MGAM: variants seen among roughly 807,000 people sequenced by gnomAD.
MGAM encodes the protein alpha-1,4-glucosidase.
A neutral mutation model predicts 358.8 loss-of-function variants in MGAM; 253 were observed. The ratio of observed to expected loss-of-function variants is 0.71; its 90% CI spans 0.64 to 0.78. The LOEUF (loss-of-function observed/expected upper bound fraction) is 0.78. MGAM is among the 30% of genes least tolerant of loss of function. MGAM has a pLI of 0.00. For synonymous variants in MGAM, 1,105 were observed against 1,227.1 expected (o/e 0.90, Z 2.08); for missense variants, 3,080 against 3,432.6 (o/e 0.90, Z 2.57).
chr7:142,093,427 A>C lies in MGAM; in HGVS notation c.7049A>C (p.Asp2350Ala). 6.5e-7 allele frequency: 1 copy of C among 1,538,470 alleles called. No individual in the cohort carries two copies. Among genetic ancestry groups the C allele is most frequent in the Non-Finnish European group, 8.9e-7 (1 of 1,123,544 alleles). ...TCCTCCTCAGATTTGGAGTCCAGGGACAGGGGCCTGAGCAGCAAGACCCTG... is the reference window on the plus strand; with the variant it reads ...TCCTCCTCAGATTTGGAGTCCAGGGCCAGGGGCCTGAGCAGCAAGACCCTG... ...PPYMPYLESR[D>A]RGLSSKTLCM... Residue 2350 changes from aspartate to alanine, a missense_variant, in exon 60 of 71, where the codon GAC (aspartate) becomes GCC (alanine). This residue lies in a region of MGAM where 932 missense variants were observed against 1,198.2 expected (regional missense o/e 0.78). Transcript: ENST00000475668.
rs190713602 is a variant in MGAM at position 142,081,946 on chromosome 7, T to C, written c.6003-96T>C. On this transcript the variant is annotated intron_variant, in intron 50 of 70. Coordinates refer to ENST00000475668, the MANE Select transcript of MGAM (RefSeq NM_001365693.1). ...GTTTGGGAGATGAACAGCTTCTGGG[T>C]AGGAATCAAGTGTTCTGTTGTCCTT... 2.4e-6 allele frequency: 3 copies of C among 1,244,662 alleles called. No individual in the cohort carries two copies. In the Admixed American group the frequency reaches 5.4e-5, roughly 23 times the overall value. 77.1% of individuals were successfully genotyped at this position (1,244,662 alleles called of 1,614,324 possible).
chr7:142,028,809 C>T (rs782333772), intron 10 of MGAM, among the ~76,000 whole-genome samples: 8 of 151,516 alleles, frequency 5.3e-5, no homozygotes, highest in East Asian at 3.9e-4. Flanking sequence ...CAGATAAAGA[C>T]GTTTGGGTGG....
At chr7:142,079,103 C>T in intron 49 of MGAM, 95 bp downstream of exon 49, 1 of 1,103,822 alleles carries the variant, frequency 9.1e-7, no homozygotes, top group South Asian at 1.4e-5. Flanking sequence ...ATAAGTTAAT[C>T]ATGCTACATT....
rs374732273 is a variant in MGAM at position 142,052,825 on chromosome 7, C to T, written c.3000C>T (p.Asn1000=). 2.9e-4 allele frequency: 470 copies of T among 1,613,818 alleles called. 5 individuals are homozygous for T. The highest frequency in any genetic ancestry group is 2.1e-3 in the South Asian group (194 of 91,068). ...SSGVPFCYFV[N]DLYSVSDVQY... is the part of the protein sequence containing the mutation. ...GAGTCCCTTTTTGCTATTTTGTCAA[C>T]GACCTATACTCTGTCAGTGATGTTC... is the stretch of plus-strand genomic sequence containing the variant. The change falls in exon 26 of 71, where the codon AAC becomes AAT. Residue 1000 remains asparagine (N), a synonymous_variant. Transcript: ENST00000475668.
At chr7:142,000,664 G>A (rs182766642) in intron 1 of MGAM, among the ~76,000 whole-genome samples, 53 of 152,230 alleles carry the variant, frequency 3.5e-4, no homozygotes, top group African/African-American at 1.3e-3. Flanking sequence ...CTGTCTCTAT[G>A]GATATTTACA....
In MGAM at chr7:142,045,428, C is replaced by T. The variant is rs180898226; in HGVS notation, c.2499-2357C>T. 4.7e-3 allele frequency among the ~76,000 whole-genome samples: 503 copies of T among 107,160 alleles called. 7 individuals carry two copies. Among genetic ancestry groups the T allele is most frequent in the African/African-American group, 0.018 (466 of 25,598 alleles). The allele number at this position is 107,160 out of a possible 152,430, so 70.3% of individuals were successfully genotyped here. A position where few individuals can be genotyped will look rare whatever the true frequency, so the allele number is the denominator to read the frequency against. On this transcript the variant is annotated intron_variant, in intron 21 of 70. Coordinates refer to ENST00000475668, the MANE Select transcript of MGAM (RefSeq NM_001365693.1). ...ATATATATTATATATACCTATAATA[C>T]ATGATATATTATATATACCTATAAT...
upstream of MGAM, among the ~76,000 whole-genome samples, chr7:141,991,207 A>G (rs1803933611): frequency 6.6e-6 from 1 of 152,234 alleles, no homozygotes; most frequent in South Asian, 2.1e-4. Flanking sequence ...TTTAGCATAG[A>G]ACATAGGCCA....
intron 20 of MGAM, 73 bp downstream of exon 20, chr7:142,040,244 A>T: frequency 4.2e-6 from 5 of 1,183,786 alleles, no homozygotes; most frequent in Non-Finnish European, 6.2e-6. Flanking sequence ...ACCTTTCTGG[A>T]GAGAGAAACA....
intron 21 of MGAM, among the ~76,000 whole-genome samples, chr7:142,042,967 T>C (rs1809225993): frequency 1.4e-5 from 1 of 71,352 alleles, no homozygotes; most frequent in South Asian, 5.5e-4. Context: ...ATATAATATC[T>C]AAATATAATA....
At chr7:142,019,393 C>A (rs1554457627) in intron 4 of MGAM, 74 bp downstream of exon 4, 6 of 1,505,956 alleles carry the variant, frequency 4.0e-6, no homozygotes, top group Non-Finnish European at 5.4e-6. Context: ...CAGGGGCAGC[C>A]TGCAGAGTTC....
chr7:142,031,368 C>G (rs1452257324), intron 12 of MGAM, among the ~76,000 whole-genome samples: 3 of 152,190 alleles, frequency 2.0e-5, no homozygotes, highest in Non-Finnish European at 4.4e-5. Flanking sequence ...ACACAATGCT[C>G]TTCCCCCATT....
intron 57 of MGAM, among the ~76,000 whole-genome samples, chr7:142,087,175 T>A (rs1814834676): frequency 6.9e-6 from 1 of 144,956 alleles, no homozygotes; most frequent in South Asian, 2.2e-4. Context: ...TTTTTTTCCA[T>A]GAACACGTTT....
intron 21 of MGAM, among the ~76,000 whole-genome samples, chr7:142,041,979 TATA>T (rs1808758978): frequency 3.5e-4 from 5 of 14,394 alleles, no homozygotes; most frequent in Non-Finnish European, 4.3e-4. Flanking sequence ...ATTATATATA[TATA>T]ATATAATATA....
upstream of MGAM, among the ~76,000 whole-genome samples, chr7:141,991,430 A>C (rs1803944241): frequency 6.6e-6 from 1 of 151,386 alleles, no homozygotes; most frequent in Non-Finnish European, 1.5e-5. Context: ...GGGGATGGAG[A>C]AAAGGATTTT....
intron 2 of MGAM, among the ~76,000 whole-genome samples, chr7:141,987,009 T>C: frequency 6.6e-6 from 1 of 152,130 alleles, no homozygotes; most frequent in Non-Finnish European, 1.5e-5. Flanking sequence ...AGACTATGAT[T>C]AGACATTTTT....
chr7:142,071,245 T>A, intron 44 of MGAM, 127 bp downstream of exon 44: 1 of 1,166,344 alleles, frequency 8.6e-7, no homozygotes. Context: ...GTTTTTTCTT[T>A]GTTTTGTTGT....
intron 54 of MGAM, 86 bp from the exon 55 acceptor site, chr7:142,085,747 T>C: frequency 1.4e-6 from 2 of 1,430,324 alleles, no homozygotes; most frequent in Non-Finnish European, 1.9e-6. Context: ...TATCTGGAAT[T>C]CCACCATGGG....
At chr7:142,023,127 A>G (rs1554459612) in intron 7 of MGAM, among the ~76,000 whole-genome samples, 2 of 152,094 alleles carry the variant, frequency 1.3e-5, no homozygotes, top group Non-Finnish European at 2.9e-5. Flanking sequence ...TGGCACAACC[A>G]TGACTCACTT....
chr7:142,063,068 C>T (rs1812378004), intron 35 of MGAM, among the ~76,000 whole-genome samples: 1 of 152,122 alleles, frequency 6.6e-6, no homozygotes. Flanking sequence ...TGTGGTGGCA[C>T]ATGCCTATAA....
Sources: gnomAD v4.1 joint callset for allele counts (sites outside exome capture counted in the v4.1 genomes callset) on GRCh38, gnomAD v4.1.1 for gene constraint, gnomAD v4.1.1 regional missense constraint, MANE v1.5 for transcripts, NCBI Gene and HGNC (gene_info 2026-07-23, HGNC 2026-07-21) for gene names.